SOX6: variants seen among roughly 807,000 people sequenced by gnomAD.
The protein encoded by SOX6 is transcription factor SOX-6.
In SOX6, 11 loss-of-function variants were observed where a neutral mutation model predicts 97.8. That is an observed-to-expected ratio of 0.11 (90% CI 0.07 to 0.19). SOX6 has a LOEUF of 0.19. Ranked by LOEUF, SOX6 falls within the 10% of genes least tolerant of loss-of-function variation. SOX6 has a pLI of 1.00. For missense variants in SOX6, 810 were observed against 1,039.5 expected (o/e 0.78, Z 3.04); for synonymous variants, 360 against 371.4 (o/e 0.97, Z 0.35).
intron 1 of SOX6, among the ~76,000 whole-genome samples, chr11:16,445,228 C>T (rs1016679572): frequency 6.6e-6 from 1 of 152,046 alleles, no homozygotes; most frequent in African/African-American, 2.4e-5. Context: ...AACAATAGAC[C>T]CATTACTATA....
chr11:16,727,445 T>A lies in SOX6; in HGVS notation n.353+8894A>T, dbSNP rs146505955. Among the ~76,000 whole-genome samples, 773 of 152,026 alleles carry A rather than the reference T, an allele frequency of 5.1e-3. 4 individuals are homozygous for A. Among genetic ancestry groups the A allele is most frequent in the Non-Finnish European group, 8.5e-3 (578 of 67,964 alleles). On this transcript the variant is annotated intron_variant and non_coding_transcript_variant, in intron 2 of 5. Coordinates refer to the SOX6 transcript ENST00000524520. The stretch of plus-strand genomic sequence containing the variant: ...GAAATATCACTTTCTTCTTTTTTTT[T>A]TTGAGATGGAATCTCGCTGTGCTGA...
At position 16,384,806 on chromosome 11, in the gene SOX6, A is replaced by G. The variant is rs569186112; in HGVS notation, c.-4-43554T>C. Among the ~76,000 whole-genome samples, 29 of 152,164 alleles carry G rather than the reference A, an allele frequency of 1.9e-4. No individual in the cohort carries two copies. In the East Asian group the frequency reaches 4.8e-3, roughly 25 times the overall value. On this transcript the variant is annotated intron_variant, in intron 1 of 15. Transcript: ENST00000396356. ...CAGCATAGAAAGCAAATTAAATATCAGAAAAGAACATACTGCTTTTTATTT... is the reference window on the plus strand; with the variant it reads ...CAGCATAGAAAGCAAATTAAATATCGGAAAAGAACATACTGCTTTTTATTT...
At chr11:16,560,801 GC>G (rs1271375764) in intron 4 of SOX6, among the ~76,000 whole-genome samples, 1 of 152,044 alleles carries the variant, frequency 6.6e-6, no homozygotes, top group Non-Finnish European at 1.5e-5. Context: ...AGGAAGAAGT[GC>G]CATTATTTCA....
At chr11:16,667,044 T>A in intron 3 of SOX6, among the ~76,000 whole-genome samples, 1 of 142,650 alleles carries the variant, frequency 7.0e-6, no homozygotes, top group Non-Finnish European at 1.5e-5. Flanking sequence ...CATGGCAAAA[T>A]CCCATCTCTA....
chr11:16,308,566 G>A (rs1175893263), intron 3 of SOX6, among the ~76,000 whole-genome samples: 1 of 152,082 alleles, frequency 6.6e-6, no homozygotes. Flanking sequence ...AGCTAATGTC[G>A]ACTGTTTGGC....
rs77486830 is a variant in SOX6, at chr11:16,364,970, G to A, written c.-4-23718C>T. Among the ~76,000 whole-genome samples, 99 of 152,056 alleles carry A rather than the reference G, an allele frequency of 6.5e-4. 3 individuals are homozygous for A. In the East Asian group the frequency reaches 0.012, roughly 19 times the overall value. ...AACAAGTAACACATACTTTTATCTC[G>A]GCCATTATCCACAGTTTTGCTTTCT... On this transcript the variant is annotated intron_variant, in intron 1 of 15. Coordinates refer to the SOX6 transcript ENST00000396356.
At chr11:16,029,951 T>C (rs1230468307) in intron 12 of SOX6, among the ~76,000 whole-genome samples, 1 of 152,206 alleles carries the variant, frequency 6.6e-6, no homozygotes, top group African/African-American at 2.4e-5. Context: ...CTTTTCACCC[T>C]GATTAAATAA....
At chr11:16,685,386 A>G (rs889171588) in intron 3 of SOX6, among the ~76,000 whole-genome samples, 3 of 152,354 alleles carry the variant, frequency 2.0e-5, no homozygotes, top group Admixed American at 2.0e-4. Flanking sequence ...ATTTACTACT[A>G]AGATACAATG....
rs11023825 is a variant in SOX6 at position 16,008,178 on chromosome 11, T to C, written c.1732+6764A>G. Reference sequence around the variant, plus strand: ...TAAATAATTGTTACATTGCATTGTTTAGGAAATAATCACATGGAAAAAGTC... The same window carrying C: ...TAAATAATTGTTACATTGCATTGTTCAGGAAATAATCACATGGAAAAAGTC... On this transcript the variant is annotated intron_variant, in intron 13 of 15. Coordinates refer to ENST00000683767, the MANE Select transcript of SOX6 (RefSeq NM_001367873.1). Among the ~76,000 whole-genome samples, 609 of 152,210 alleles carry C rather than the reference T, an allele frequency of 4.0e-3. 35 individuals carry two copies. The East Asian group carries it at 0.1, about 25-fold the overall frequency.
At chr11:16,508,458 T>C (rs1010000659) in intron 4 of SOX6, among the ~76,000 whole-genome samples, 1 of 152,022 alleles carries the variant, frequency 6.6e-6, no homozygotes, top group African/African-American at 2.4e-5. Flanking sequence ...AACCTCAGTG[T>C]CAGAAAATAT....
chr11:16,257,751 T>C (rs981934839), intron 3 of SOX6, among the ~76,000 whole-genome samples: 3 of 151,852 alleles, frequency 2.0e-5, no homozygotes, highest in Admixed American at 2.0e-4. Flanking sequence ...AAAGACACTG[T>C]TAAGATAATG....
At chr11:16,331,680 C>T (rs1856306444) in intron 2 of SOX6, among the ~76,000 whole-genome samples, 1 of 152,162 alleles carries the variant, frequency 6.6e-6, no homozygotes, top group African/African-American at 2.4e-5. Flanking sequence ...GGTTATGTTA[C>T]TTATAAAACA....
intron 11 of SOX6, 138 bp from the exon 12 acceptor site, chr11:16,046,839 C>A (rs2133908651): frequency 2.2e-6 from 2 of 892,556 alleles, no homozygotes; most frequent in Non-Finnish European, 3.5e-6. Context: ...AAACTATACG[C>A]TAATATACAT....
intron 9 of SOX6, among the ~76,000 whole-genome samples, chr11:16,062,351 A>C (rs911717897): frequency 2.6e-5 from 4 of 151,718 alleles, no homozygotes; most frequent in African/African-American, 9.7e-5. Context: ...GGAACAGAAA[A>C]GGTTAAATTC....
intron 4 of SOX6, among the ~76,000 whole-genome samples, chr11:16,219,430 C>T (rs191826381): frequency 2.0e-5 from 3 of 151,972 alleles, no homozygotes; most frequent in African/African-American, 4.8e-5. Flanking sequence ...GCAGAGTACA[C>T]GAATGAGTGC....
intron 4 of SOX6, among the ~76,000 whole-genome samples, chr11:16,568,197 T>C (rs1383551119): frequency 1.3e-5 from 2 of 152,096 alleles, no homozygotes; most frequent in African/African-American, 4.8e-5. Flanking sequence ...TATATGCAAA[T>C]ATTCCAAAAT....
chr11:16,299,787 A>T (rs1479188342), intron 3 of SOX6, among the ~76,000 whole-genome samples: 1 of 152,134 alleles, frequency 6.6e-6, no homozygotes, highest in Non-Finnish European at 1.5e-5. Context: ...TATATTCTAC[A>T]CCAGGAAAGG....
Position 16,015,001 on chromosome 11 carries a change from T to C in SOX6, c.1673A>G (p.Asn558Ser). 1 of 1,612,998 alleles carries C rather than the reference T, an allele frequency of 6.2e-7. No homozygotes were observed. The highest frequency in any genetic ancestry group is 8.5e-7 in the Non-Finnish European group (1 of 1,179,346). ...NLGPQLTGKS[N>S]EDGKLGPGVI... ...ACCTGGGCCCAGTTTTCCATCTTCA[T>C]TTGACTTTCCCGTTAACTGGGGCCC... Residue 558 changes from asparagine to serine, a missense_variant, in exon 13 of 16, where the codon AAT (asparagine) becomes AGT (serine). This residue lies in a region of SOX6 where 120 missense variants were observed against 127.0 expected (regional missense o/e 0.94). Coordinates refer to ENST00000683767, the MANE Select transcript of SOX6 (RefSeq NM_001367873.1).
intron 6 of SOX6, among the ~76,000 whole-genome samples, chr11:16,170,364 T>TAA (rs879502500): frequency 1.4e-5 from 2 of 143,844 alleles, no homozygotes; most frequent in Non-Finnish European, 1.5e-5. Context: ...TACTTAGTCT[T>TAA]AAAAAAAAAA....
Sources: allele counts gnomAD v4.1 joint callset (sites outside exome capture counted in the v4.1 genomes callset), GRCh38; gene constraint gnomAD v4.1.1; regional missense constraint gnomAD v4.1.1; transcripts MANE v1.5; gene names NCBI Gene and HGNC (gene_info 2026-07-23, HGNC 2026-07-21).